Variants in SMYD3 observed in about 807,000 individuals in gnomAD.
The protein encoded by SMYD3 is histone-lysine N-methyltransferase SMYD3.
In SMYD3, 36 loss-of-function variants were observed where a neutral mutation model predicts 57.7. That is an observed-to-expected ratio of 0.62 (90% CI 0.48 to 0.82). The LOEUF (loss-of-function observed/expected upper bound fraction) is 0.82. Among genes scored for constraint, SMYD3 ranks in the 40% least tolerant of loss-of-function variants. The pLI is 0.00. For synonymous variants in SMYD3, 211 were observed against 195.0 expected, an observed-to-expected ratio of 1.08 and a Z score of -0.68; for missense variants, 515 against 538.8, an observed-to-expected ratio of 0.96 and a Z score of 0.44.
At chr1:246,169,403 A>G (rs1013934184) in intron 5 of SMYD3, among the ~76,000 whole-genome samples, 2 of 151,278 alleles carry the variant, frequency 1.3e-5, no homozygotes, top group Non-Finnish European at 2.9e-5. Flanking sequence ...AAAAAAAAAA[A>G]ACCTCTAACA....
At chr1:246,315,721 T>C (rs2065144942) in intron 5 of SMYD3, among the ~76,000 whole-genome samples, 1 of 152,268 alleles carries the variant, frequency 6.6e-6, no homozygotes, top group Non-Finnish European at 1.5e-5. Flanking sequence ...TATTTGAATA[T>C]GTCTCTTTAA....
At chr1:246,003,511 A>G (rs2059116640) in intron 5 of SMYD3, among the ~76,000 whole-genome samples, 1 of 152,234 alleles carries the variant, frequency 6.6e-6, no homozygotes, top group African/African-American at 2.4e-5. Flanking sequence ...ATTGTAGAGT[A>G]ACTTTACAAT....
intron 8 of SMYD3, among the ~76,000 whole-genome samples, chr1:245,915,064 G>A (rs1428202676): frequency 6.6e-6 from 1 of 152,126 alleles, no homozygotes; most frequent in East Asian, 1.9e-4. Context: ...TCATAGAACT[G>A]TCTCACTAAG....
At chr1:246,237,913 A>G (rs1441789245) in intron 5 of SMYD3, among the ~76,000 whole-genome samples, 1 of 152,200 alleles carries the variant, frequency 6.6e-6, no homozygotes, top group Non-Finnish European at 1.5e-5. Flanking sequence ...TACCCTTTAA[A>G]TGTTTAAGCT....
At chr1:246,036,484 CAAA>C (rs1414912563) in intron 5 of SMYD3, among the ~76,000 whole-genome samples, 1 of 151,764 alleles carries the variant, frequency 6.6e-6, no homozygotes, top group Non-Finnish European at 1.5e-5. Context: ...ATTTTTTACA[CAAA>C]TAACCATAAA....
At chr1:245,916,074 A>G (rs1029257179) in intron 7 of SMYD3, among the ~76,000 whole-genome samples, 2 of 152,198 alleles carry the variant, frequency 1.3e-5, no homozygotes, top group South Asian at 2.1e-4. Context: ...AACCAATTCT[A>G]TAGCTGCCTC....
chr1:245,830,000 C>A (rs909638070), intron 10 of SMYD3, among the ~76,000 whole-genome samples: 2 of 151,834 alleles, frequency 1.3e-5, no homozygotes, highest in South Asian at 2.1e-4. Flanking sequence ...TATGGGGTTT[C>A]TTTGGGGGTG....
chr1:246,176,686 C>A (rs369104243), intron 5 of SMYD3, among the ~76,000 whole-genome samples: 83 of 152,214 alleles, frequency 5.5e-4, no homozygotes, highest in African/African-American at 1.7e-3. Flanking sequence ...ACATGCCTGG[C>A]AAATTACTGT....
chr1:246,292,949 G>A (rs1291529823), intron 5 of SMYD3, among the ~76,000 whole-genome samples: 1 of 151,978 alleles, frequency 6.6e-6, no homozygotes, highest in African/African-American at 2.4e-5. Context: ...ACATGGGTTG[G>A]GAAAAATTGC....
chr1:245,800,442 A>G (rs2047803860), intron 10 of SMYD3, among the ~76,000 whole-genome samples: 1 of 152,002 alleles, frequency 6.6e-6, no homozygotes, highest in African/African-American at 2.4e-5. Context: ...TTTTTTAAAT[A>G]ATGCTATATC....
chr1:246,104,021 TC>T (rs1210282514), intron 5 of SMYD3, among the ~76,000 whole-genome samples: 1 of 152,238 alleles, frequency 6.6e-6, no homozygotes, highest in African/African-American at 2.4e-5. Flanking sequence ...TTTCAGGGTT[TC>T]TGTAGCATTT....
chr1:246,062,360 G>A (rs1334004722), intron 5 of SMYD3, among the ~76,000 whole-genome samples: 1 of 152,156 alleles, frequency 6.6e-6, no homozygotes, highest in African/African-American at 2.4e-5. Flanking sequence ...CACTGAAAAT[G>A]TGCTGAATTT....
At chr1:246,443,213 T>C (rs1218336830) in intron 1 of SMYD3, among the ~76,000 whole-genome samples, 1 of 152,228 alleles carries the variant, frequency 6.6e-6, no homozygotes, top group Non-Finnish European at 1.5e-5. Flanking sequence ...AGGAGTAAGA[T>C]TCTAATGTGT....
chr1:246,439,113 G>A (rs1558465492), intron 1 of SMYD3, among the ~76,000 whole-genome samples: 1 of 149,340 alleles, frequency 6.7e-6, no homozygotes, highest in Non-Finnish European at 1.5e-5. Flanking sequence ...TTCGGGGGGG[G>A]GGGTTCCCAA....
At chr1:246,115,118 G>T (rs917577089) in intron 5 of SMYD3, among the ~76,000 whole-genome samples, 1 of 152,054 alleles carries the variant, frequency 6.6e-6, no homozygotes, top group Admixed American at 6.5e-5. Flanking sequence ...ATACCAGAGA[G>T]GAAAGAAGTG....
At chr1:245,929,966 T>A in intron 5 of SMYD3, 29 bp from the exon 6 acceptor site, 1 of 1,590,694 alleles carries the variant, frequency 6.3e-7, no homozygotes, top group Non-Finnish European at 8.6e-7. Flanking sequence ...CCATCAGTAT[T>A]ACTAGAGTCA....
In SMYD3 at chr1:246,223,740, T is replaced by G. The variant is rs900491082; in HGVS notation, c.531+103461A>C. Among the ~76,000 whole-genome samples, 6 of 152,088 alleles carry G rather than the reference T, an allele frequency of 3.9e-5. 1 individual carries two copies. The highest frequency in any genetic ancestry group is 1.5e-4 in the African/African-American group (6 of 41,376). On this transcript the variant is annotated intron_variant, in intron 5 of 11. Transcript: ENST00000490107. ...TTGTAGGACTACTACCCCTTCTCTG[T>G]TTTCCTCCTTCTTCATTAACTCTTC... is the stretch of plus-strand genomic sequence containing the variant.
At chr1:246,215,354 G>A (rs1418352876) in intron 5 of SMYD3, among the ~76,000 whole-genome samples, 2 of 152,016 alleles carry the variant, frequency 1.3e-5, no homozygotes, top group Non-Finnish European at 2.9e-5. Context: ...CACACGCTGG[G>A]GCTTCATGCA....
intron 5 of SMYD3, among the ~76,000 whole-genome samples, chr1:246,160,220 C>T (rs2062092998): frequency 2.0e-5 from 3 of 152,184 alleles, no homozygotes; most frequent in African/African-American, 7.2e-5. Context: ...TATTCACTCA[C>T]ATTTATAGGA....
Sources: allele counts gnomAD v4.1 joint callset (sites outside exome capture counted in the v4.1 genomes callset), GRCh38; gene constraint gnomAD v4.1.1; transcripts MANE v1.5; gene names NCBI Gene and HGNC (gene_info 2026-07-23, HGNC 2026-07-21).